The following CACNA1C variants were observed in gnomAD, a reference collection of about 807,000 sequenced individuals.
CACNA1C encodes the protein voltage-dependent L-type calcium channel subunit alpha-1C.
In CACNA1C, 30 loss-of-function variants were observed where a neutral mutation model predicts 229.0. That is an observed-to-expected ratio of 0.13 (90% confidence interval 0.10 to 0.18). The LOEUF (loss-of-function observed/expected upper bound fraction) is 0.18. CACNA1C is among the 10% of genes least tolerant of loss of function. The pLI is 1.00. For missense variants in CACNA1C, 1,658 were observed against 2,845.0 expected (o/e 0.58, Z 9.49); for synonymous variants, 1,114 against 1,132.5 (o/e 0.98, Z 0.33).
Position 2,273,186 on chromosome 12 carries a change from C to A in CACNA1C, c.477+152756C>A, listed in dbSNP as rs548697982. 1.5e-4 allele frequency among the ~76,000 whole-genome samples: 23 copies of A among 152,324 alleles called. No individual in the cohort carries two copies. In the South Asian group the frequency reaches 4.8e-3, roughly 32 times the overall value. ...ATAGTGTTTTCATATAACCTATGCACATCCTCTTGTGTACCTTAAATCATC... is the reference window on the plus strand; with the variant it reads ...ATAGTGTTTTCATATAACCTATGCAAATCCTCTTGTGTACCTTAAATCATC... On this transcript the variant is annotated intron_variant, in intron 3 of 46. Transcript: ENST00000399655.
Position 2,595,943 on chromosome 12 carries a change from G to C in CACNA1C, c.2733G>C (p.Leu911=). The C allele has an allele frequency of 6.2e-7, 1 of 1,613,600 alleles. No individual in the cohort carries two copies. The highest frequency in any genetic ancestry group is 8.5e-7 in the Non-Finnish European group (1 of 1,179,776). The stretch of plus-strand genomic sequence containing the variant: ...CCAACCTGATCCTCTTCTTCATTCT[G>C]CTCAGCAGCATTTCCCTGGCTGCTG... ...IFTNLILFFI[L]LSSISLAAED... is the part of the protein sequence containing the mutation. The change falls in exon 20 of 47, where the codon CTG becomes CTC. Residue 911 remains leucine (L), a synonymous_variant. Coordinates refer to ENST00000399655, the MANE Select transcript of CACNA1C (RefSeq NM_000719.7). This position sits in a 1 kb window ranked among gnomAD's most constrained non-coding sequence, Gnocchi z 4.1.
chr12:2,121,832 C>T (rs1184879792), intron 3 of CACNA1C, among the ~76,000 whole-genome samples: 3 of 152,234 alleles, frequency 2.0e-5, no homozygotes, highest in Non-Finnish European at 4.4e-5. Flanking sequence ...TACAGTTTCA[C>T]ATTTAATCTG....
At chr12:2,491,354 T>C (rs530958862) in intron 6 of CACNA1C, among the ~76,000 whole-genome samples, 6 of 152,022 alleles carry the variant, frequency 3.9e-5, no homozygotes, top group Non-Finnish European at 7.3e-5. Context: ...TACATTTACA[T>C]TGATAAATTC....
At chr12:2,428,536 C>T (rs1276237095) in intron 3 of CACNA1C, among the ~76,000 whole-genome samples, 1 of 152,174 alleles carries the variant, frequency 6.6e-6, no homozygotes, top group Non-Finnish European at 1.5e-5. Context: ...CCCTGAGTGC[C>T]CCGTGTGTGT....
chr12:2,201,798 C>T (rs761313619), intron 3 of CACNA1C, among the ~76,000 whole-genome samples: 4 of 152,136 alleles, frequency 2.6e-5, no homozygotes, highest in Admixed American at 1.3e-4. Context: ...CAGCAGACTC[C>T]GCCATGCTTC....
intron 3 of CACNA1C, among the ~76,000 whole-genome samples, chr12:2,168,222 T>C (rs984657307): frequency 6.6e-6 from 1 of 152,198 alleles, no homozygotes; most frequent in Non-Finnish European, 1.5e-5. Context: ...GCTTTAATCT[T>C]AAGAGTAAAA....
intron 5 of CACNA1C, among the ~76,000 whole-genome samples, chr12:2,483,762 C>T (rs992155117): frequency 2.0e-5 from 3 of 152,206 alleles, no homozygotes; most frequent in Non-Finnish European, 4.4e-5. Flanking sequence ...GGCAGGAATT[C>T]TTATGGCATC....
intron 19 of CACNA1C, among the ~76,000 whole-genome samples, chr12:2,593,706 C>T (rs1201101552): frequency 1.3e-5 from 2 of 152,234 alleles, no homozygotes; most frequent in Non-Finnish European, 2.9e-5. Context: ...TCCTTACTTA[C>T]ATGGAATTGT....
chr12:2,385,821 C>T (rs930748149), intron 3 of CACNA1C, among the ~76,000 whole-genome samples: 12 of 152,146 alleles, frequency 7.9e-5, no homozygotes, highest in African/African-American at 1.4e-4. Flanking sequence ...TAAAATTACC[C>T]GTGCCTGGGT....
At chr12:2,238,772 G>A (rs368527769) in intron 3 of CACNA1C, among the ~76,000 whole-genome samples, 11 of 152,180 alleles carry the variant, frequency 7.2e-5, no homozygotes, top group African/African-American at 2.4e-4. Context: ...GCAGGAAGCC[G>A]AGAGGAGGAA....
chr12:2,656,139 G>T (rs1002979848), intron 34 of CACNA1C, among the ~76,000 whole-genome samples: 2 of 152,168 alleles, frequency 1.3e-5, no homozygotes, highest in African/African-American at 4.8e-5. Flanking sequence ...AATAGGAAAG[G>T]AAGAAGTGAA....
rs2096826870 is a variant in CACNA1C, at chr12:2,181,089, CTGGG to C, written c.477+60660_477+60663del. The stretch of plus-strand genomic sequence containing the variant: ...ACATATCAGACTCAAATGTTTTCTT[CTGGG>C]GGGTTACAGTCTGGGGAAGACCCCT... On this transcript the variant is annotated intron_variant, in intron 3 of 46. Transcript: ENST00000399655. The surrounding 1 kb of genome is among the most constrained non-coding windows in gnomAD (Gnocchi z 4.0). 6.6e-6 allele frequency among the ~76,000 whole-genome samples: 1 copy of C among 152,124 alleles called. No homozygotes were observed. The highest frequency in any genetic ancestry group is 1.5e-5 in the Non-Finnish European group (1 of 68,024).
At chr12:2,041,421 C>T (rs972958236) in intron 1 of CACNA1C, among the ~76,000 whole-genome samples, 1 of 151,836 alleles carries the variant, frequency 6.6e-6, no homozygotes, top group Non-Finnish European at 1.5e-5. Flanking sequence ...GGACTACAGG[C>T]GCTTGCCACC....
Position 2,690,940 on chromosome 12 carries a change from C to A in CACNA1C, c.6158C>A (p.Pro2053His). 1 of 1,594,754 alleles carries A rather than the reference C, an allele frequency of 6.3e-7. No homozygotes were observed. Residue 2053 changes from proline (P) to histidine (H), a missense_variant, in exon 47 of 47, where the codon CCC (proline) becomes CAC (histidine). By Grantham distance (77) the Pro-to-His change is moderately conservative. This residue lies in a region of CACNA1C where 590 missense variants were observed against 700.8 expected (regional missense o/e 0.84). Transcript: ENST00000399655. Reference sequence around the variant, plus strand: ...GGACTGGGGCAGTTTGCTCAAGATCCCAAGTTCATCGAGGTCACCACCCAG... The same window carrying A: ...GGACTGGGGCAGTTTGCTCAAGATCACAAGTTCATCGAGGTCACCACCCAG... ...SEGLGQFAQD[P>H]KFIEVTTQEL...
intron 13 of CACNA1C, among the ~76,000 whole-genome samples, chr12:2,571,627 G>A (rs75384169): frequency 0.064 from 9,696 of 152,258 alleles, 340 homozygotes; most frequent in African/African-American, 0.078. Context: ...AGAGCTTCCT[G>A]TAGTCCCTCC....
rs2096009185 is a variant in CACNA1C at position 2,665,195 on chromosome 12, G to A, written c.4398+205G>A. On this transcript the variant is annotated intron_variant, in intron 35 of 46. Transcript: ENST00000399655. The surrounding 1 kb of genome is among the most constrained non-coding windows in gnomAD (Gnocchi z 5.9). ...AGTGAGCTCCACCAGCATCTTGCTT[G>A]TCTGTTCTTGGCTGTTGTCATGGTG... 6.6e-6 allele frequency among the ~76,000 whole-genome samples: 1 copy of A among 152,248 alleles called. No homozygotes were observed. Among genetic ancestry groups the A allele is most frequent in the Non-Finnish European group, 1.5e-5 (1 of 68,044 alleles).
chr12:2,388,828 A>C (rs1384987275), intron 3 of CACNA1C, among the ~76,000 whole-genome samples: 2 of 152,216 alleles, frequency 1.3e-5, no homozygotes, highest in African/African-American at 2.4e-5. Context: ...GCAGTTGATC[A>C]GTTCATGGTC....
upstream of CACNA1C, among the ~76,000 whole-genome samples, chr12:2,050,621 A>G (rs2051976812): frequency 6.6e-6 from 1 of 152,262 alleles, no homozygotes; most frequent in South Asian, 2.1e-4. Context: ...TGTCATTTCT[A>G]ATTTTCTCTA....
chr12:2,208,761 C>T (rs1269171508), intron 3 of CACNA1C, among the ~76,000 whole-genome samples: 1 of 152,190 alleles, frequency 6.6e-6, no homozygotes, highest in African/African-American at 2.4e-5. Context: ...TGTAGGCTAT[C>T]CATCCTCTTT....
Sources: gnomAD v4.1 joint callset for allele counts (sites outside exome capture counted in the v4.1 genomes callset) on GRCh38, gnomAD v4.1.1 for gene constraint, gnomAD v4.1.1 regional missense constraint, Gnocchi (gnomAD v3.1) non-coding constraint, MANE v1.5 for transcripts, NCBI Gene and HGNC (gene_info 2026-07-23, HGNC 2026-07-21) for gene names.